The following ATP9A variants were observed in gnomAD, a reference collection of about 807,000 sequenced individuals.
The protein encoded by ATP9A is ATPase phospholipid transporting 9A.
In ATP9A, 52 loss-of-function variants were observed where a neutral mutation model predicts 144.1. That is an observed-to-expected ratio of 0.36 (90% confidence interval 0.29 to 0.45). ATP9A has a LOEUF of 0.45. ATP9A is among the 20% of genes least tolerant of loss of function. ATP9A has a pLI of 1.00. For missense variants in ATP9A, 947 were observed against 1,392.7 expected (o/e 0.68, Z 5.09); for synonymous variants, 582 against 557.4 (o/e 1.04, Z -0.62).
rs1322561976 is a variant in ATP9A, at chr20:51,639,350, A to G, written c.1661T>C (p.Ile554Thr). ...FTYESKRMGI[I>T]VRDESTGEIT... ...TGAATAAAAACGACTCACCCGCACGATGATGCCCATACGTTTGCTTTCATA... is the reference window on the plus strand; with the variant it reads ...TGAATAAAAACGACTCACCCGCACGGTGATGCCCATACGTTTGCTTTCATA... The change falls in exon 15 of 28, where the codon ATC (isoleucine) becomes ACC (threonine). Residue 554 changes from isoleucine (I) to threonine (T), a missense_variant. By Grantham distance (89) the Ile-to-Thr change is moderately conservative. Transcript: ENST00000338821. 6.2e-7 allele frequency: 1 copy of G among 1,612,870 alleles called. No homozygotes were observed. The highest frequency in any genetic ancestry group is 1.7e-5 in the Admixed American group (1 of 59,818).
At chr20:51,756,377 G>A (rs140587413) in intron 1 of ATP9A, among the ~76,000 whole-genome samples, 608 of 151,392 alleles carry the variant, frequency 4.0e-3, no homozygotes, top group Non-Finnish European at 6.6e-3. Context: ...TGCAACCTCC[G>A]CTTCCTGGGT....
chr20:51,710,711 A>C (rs1378958565), intron 4 of ATP9A, among the ~76,000 whole-genome samples: 1 of 152,134 alleles, frequency 6.6e-6, no homozygotes, highest in Non-Finnish European at 1.5e-5. Context: ...GCAAAGAGAG[A>C]CCCACAAAGG....
chr20:51,644,584 A>G (rs748303098), intron 14 of ATP9A, among the ~76,000 whole-genome samples: 7 of 152,208 alleles, frequency 4.6e-5, no homozygotes, highest in Non-Finnish European at 1.0e-4. Context: ...CTAGCTTTCT[A>G]TACCACCGAA....
At chr20:51,695,516 G>A (rs921020626) in intron 6 of ATP9A, among the ~76,000 whole-genome samples, 1 of 151,774 alleles carries the variant, frequency 6.6e-6, no homozygotes, top group African/African-American at 2.4e-5. Context: ...CATAGGGTGG[G>A]CAGGCAATGA....
chr20:51,646,180 C>T (rs2077341631), intron 14 of ATP9A, among the ~76,000 whole-genome samples: 1 of 152,168 alleles, frequency 6.6e-6, no homozygotes, highest in South Asian at 2.1e-4. Flanking sequence ...AGAAACCATC[C>T]GTGAAAGGGC....
intron 1 of ATP9A, among the ~76,000 whole-genome samples, chr20:51,762,832 C>A (rs973324120): frequency 9.9e-5 from 15 of 151,308 alleles, no homozygotes; most frequent in African/African-American, 3.7e-4. Context: ...ACCTCAGCCT[C>A]CCAAGTAGCA....
chr20:51,617,424 G>GTCTTCGAGGGT (rs2077207671), intron 22 of ATP9A, 66 bp downstream of exon 22: 15 of 1,490,756 alleles, frequency 1.0e-5, no homozygotes, highest in Non-Finnish European at 1.4e-5. Context: ...TTAAAGCTGT[G>GTCTTCGAGGGT]TCTTTGAGGG....
rs2077255031 is a variant in ATP9A, at chr20:51,627,681, A to G, written c.1764T>C (p.Cys588=). 3.7e-6 allele frequency: 6 copies of G among 1,614,014 alleles called. No homozygotes were observed. The highest frequency in any genetic ancestry group is 5.1e-6 in the Non-Finnish European group (6 of 1,180,002). The change falls in exon 17 of 28, where the codon TGT becomes TGC. Residue 588 remains cysteine (C), a splice_region_variant and synonymous_variant. Coordinates refer to ENST00000338821, the MANE Select transcript of ATP9A (RefSeq NM_006045.3). ...GCAGCCCTTCTCGGGCCATGTTGCC[A>G]CACTGAAAAATAGACCACGGTCGAG... ...VQYNDWLEEE[C]GNMAREGLRV... is the part of the protein sequence containing the mutation.
intron 1 of ATP9A, among the ~76,000 whole-genome samples, chr20:51,757,901 CAA>C (rs540809303): frequency 3.2e-5 from 4 of 124,634 alleles, no homozygotes; most frequent in African/African-American, 5.9e-5. Context: ...GAGTACGTCT[CAA>C]AAAAAAAAAA....
At chr20:51,691,375 A>G (rs2077547696) in intron 7 of ATP9A, among the ~76,000 whole-genome samples, 1 of 152,234 alleles carries the variant, frequency 6.6e-6, no homozygotes, top group African/African-American at 2.4e-5. Context: ...AGGCTGAGGC[A>G]GGAGAATCGC....
rs1208856367 is a variant in ATP9A, at chr20:51,596,739, T to C, written c.*4472A>G. 6.6e-6 allele frequency: 1 copy of C among 152,156 alleles called. No homozygotes were observed. Among genetic ancestry groups the C allele is most frequent in the Admixed American group, 6.5e-5 (1 of 15,282 alleles). 9.4% of individuals were successfully genotyped at this position (152,156 alleles called of 1,614,324 possible). On this transcript the variant is annotated 3_prime_UTR_variant, in exon 28 of 28. Transcript: ENST00000338821. ...AAAAGTCCTCATTTTGATACCAGAA[T>C]TCATGTTTCTGTACAAATTAAAATA...
intron 12 of ATP9A, among the ~76,000 whole-genome samples, chr20:51,670,422 G>A (rs932746439): frequency 2.0e-4 from 31 of 152,282 alleles, no homozygotes; most frequent in African/African-American, 7.5e-4. Context: ...ATACACTAGA[G>A]CAATCAGATT....
At chr20:51,663,077 A>G (rs2077417646) in intron 13 of ATP9A, among the ~76,000 whole-genome samples, 3 of 152,172 alleles carry the variant, frequency 2.0e-5, no homozygotes, top group African/African-American at 4.8e-5. Context: ...ATCTCAAAAA[A>G]AAACATTTTT....
At chr20:51,742,169 A>G (rs570254017) in intron 1 of ATP9A, among the ~76,000 whole-genome samples, 1 of 152,074 alleles carries the variant, frequency 6.6e-6, no homozygotes, top group South Asian at 2.1e-4. Flanking sequence ...ACTAAAATTC[A>G]AAAATAATTA....
At chr20:51,703,371 G>T (rs546814327) in intron 4 of ATP9A, among the ~76,000 whole-genome samples, 3 of 152,268 alleles carry the variant, frequency 2.0e-5, no homozygotes, top group East Asian at 1.9e-4. Flanking sequence ...ATTTTTAAAC[G>T]CATTTGCAGA....
At chr20:51,655,818 A>C (rs760388615) in intron 14 of ATP9A, among the ~76,000 whole-genome samples, 1 of 152,178 alleles carries the variant, frequency 6.6e-6, no homozygotes. Context: ...ACACCCACTC[A>C]AATACTTGTA....
intron 4 of ATP9A, among the ~76,000 whole-genome samples, chr20:51,711,320 A>T (rs1484460279): frequency 6.6e-6 from 1 of 151,202 alleles, no homozygotes; most frequent in Non-Finnish European, 1.5e-5. Flanking sequence ...TAAAATCTGC[A>T]TTTTTTTTTA....
At chr20:51,752,894 G>C (rs749907270) in intron 1 of ATP9A, among the ~76,000 whole-genome samples, 2 of 152,166 alleles carry the variant, frequency 1.3e-5, no homozygotes, top group African/African-American at 2.4e-5. Context: ...CCTGAGGCTG[G>C]GAGTTCGAGG....
At chr20:51,758,757 T>C (rs1389634555) in intron 1 of ATP9A, among the ~76,000 whole-genome samples, 1 of 152,060 alleles carries the variant, frequency 6.6e-6, no homozygotes, top group African/African-American at 2.4e-5. Context: ...AAACCCCGTC[T>C]CTACTAAAAA....
Sources: gnomAD v4.1 joint callset for allele counts (sites outside exome capture counted in the v4.1 genomes callset) on GRCh38, gnomAD v4.1.1 for gene constraint, MANE v1.5 for transcripts, NCBI Gene and HGNC (gene_info 2026-07-23, HGNC 2026-07-21) for gene names.